TNS1: variants seen among roughly 807,000 people sequenced by gnomAD.
The protein encoded by TNS1 is tensin-1.
Under a neutral mutation model 168.6 loss-of-function variants are expected in TNS1, and 62 were observed. That is an observed-to-expected ratio of 0.37 (90% CI 0.30 to 0.45). TNS1 has a LOEUF of 0.45. Ranked by LOEUF, TNS1 falls within the 20% of genes least tolerant of loss-of-function variation. The pLI, the probability that TNS1 is intolerant of heterozygous loss-of-function variation, is 1.00. For missense variants in TNS1, 2,240 were observed against 2,339.4 expected (o/e 0.96, Z 0.88); for synonymous variants, 934 against 933.2 (o/e 1.00, Z -0.02).
At chr2:217,830,065 G>C in intron 22 of TNS1, 2 of 868,412 alleles carry the variant, frequency 2.3e-6, no homozygotes, top group Non-Finnish European at 2.8e-6. Context: ...GGGCCGATTT[G>C]CGCTGTCCAC....
upstream of TNS1, among the ~76,000 whole-genome samples, chr2:218,003,885 C>T (rs1350252350): frequency 6.6e-6 from 1 of 151,998 alleles, no homozygotes; most frequent in Non-Finnish European, 1.5e-5. Context: ...CCTCCCCTCC[C>T]CTCGCCCCCA....
In TNS1 at chr2:217,813,090, A is replaced by T; in HGVS notation, c.4954+125T>A. 1 of 686,590 alleles carries T rather than the reference A, an allele frequency of 1.5e-6. No individual in the cohort carries two copies. Among genetic ancestry groups the T allele is most frequent in the Non-Finnish European group, 2.6e-6 (1 of 388,872 alleles). 42.5% of individuals were successfully genotyped at this position (686,590 alleles called of 1,614,324 possible). Reference sequence around the variant, plus strand: ...AAGCTTTCATTCATTTTCTCTGCTGAATTTATGACAAGGGTGACTGGCAGA... The same window carrying T: ...AAGCTTTCATTCATTTTCTCTGCTGTATTTATGACAAGGGTGACTGGCAGA... On this transcript the variant is annotated intron_variant, in intron 27 of 32. Transcript: ENST00000682258. The surrounding 1 kb of genome is among the most constrained non-coding windows in gnomAD (Gnocchi z 4.0).
intron 25 of TNS1, chr2:217,814,058 G>A (rs773126100): frequency 3.1e-6 from 1 of 326,258 alleles, no homozygotes; most frequent in Non-Finnish European, 5.5e-6. Context: ...CTGGCATGCA[G>A]TGGCACAATC....
intron 2 of TNS1, among the ~76,000 whole-genome samples, chr2:217,980,229 A>G (rs980630831): frequency 6.6e-6 from 1 of 152,058 alleles, no homozygotes; most frequent in African/African-American, 2.4e-5. Context: ...CACCCAGCCT[A>G]GCTCAGGGAC....
At chr2:217,805,528 CA>C (rs1938576741) in intron 32 of TNS1, among the ~76,000 whole-genome samples, 2 of 45,974 alleles carry the variant, frequency 4.4e-5, no homozygotes, top group Non-Finnish European at 5.2e-5. Context: ...ACACACACCA[CA>C]CACACCACAC....
chr2:217,865,401 C>G (rs530346348), intron 18 of TNS1, among the ~76,000 whole-genome samples: 1 of 152,140 alleles, frequency 6.6e-6, no homozygotes, highest in African/African-American at 2.4e-5. Context: ...ACATGAGGAG[C>G]GCCCATCTGC....
intron 3 of TNS1, among the ~76,000 whole-genome samples, chr2:217,933,329 C>T (rs1410125905): frequency 6.6e-6 from 1 of 152,158 alleles, no homozygotes; most frequent in Non-Finnish European, 1.5e-5. Context: ...AAGCTGGCAT[C>T]AGCTAAAGAC....
At chr2:218,022,947 CA>C (rs1958821684) in intron 1 of TNS1, among the ~76,000 whole-genome samples, 1 of 152,122 alleles carries the variant, frequency 6.6e-6, no homozygotes, top group Non-Finnish European at 1.5e-5. Context: ...CACCCTGAGC[CA>C]GGGGGCAACA....
At position 217,801,247 on chromosome 2, in the gene TNS1, C is replaced by T. The variant is rs1937440176; in HGVS notation, c.*3212G>A. ...GGCTGATCAAACCGCTCACTTCCTC[C>T]CTGTTTTCCTTCGCAGGTCCCCTCT... On this transcript the variant is annotated 3_prime_UTR_variant, in exon 33 of 33. Coordinates refer to ENST00000682258, the MANE Select transcript of TNS1 (RefSeq NM_001387777.1). The T allele has an allele frequency of 6.6e-6, 1 of 152,292 alleles. No individual in the cohort carries two copies. The highest frequency in any genetic ancestry group is 1.5e-5 in the Non-Finnish European group (1 of 68,094). The allele number at this position is 152,292 out of a possible 1,614,324, so 9.4% of individuals were successfully genotyped here.
intron 4 of TNS1, among the ~76,000 whole-genome samples, chr2:217,914,703 C>T (rs1384366220): frequency 6.6e-6 from 1 of 152,150 alleles, no homozygotes; most frequent in Admixed American, 6.5e-5. Flanking sequence ...CCAGGATGGT[C>T]TCGATCTCTT....
At chr2:217,846,955 A>C (rs955241835) in intron 19 of TNS1, among the ~76,000 whole-genome samples, 1 of 152,032 alleles carries the variant, frequency 6.6e-6, no homozygotes, top group Non-Finnish European at 1.5e-5. Flanking sequence ...ACCCTCTCGG[A>C]CTCTTTCATG....
At chr2:217,834,621 C>T (rs1486849416) in intron 21 of TNS1, among the ~76,000 whole-genome samples, 2 of 152,108 alleles carry the variant, frequency 1.3e-5, no homozygotes, top group Non-Finnish European at 1.5e-5. Context: ...GCTGGGGGCT[C>T]TGTCAGCCTG....
At chr2:217,834,567 G>T (rs1402745866) in intron 21 of TNS1, among the ~76,000 whole-genome samples, 5 of 152,160 alleles carry the variant, frequency 3.3e-5, no homozygotes, top group African/African-American at 1.2e-4. Flanking sequence ...AGTGTATAGG[G>T]GCTGGGGGCT....
chr2:217,861,762 C>T (rs1216789256), intron 18 of TNS1, among the ~76,000 whole-genome samples: 1 of 152,238 alleles, frequency 6.6e-6, no homozygotes, highest in African/African-American at 2.4e-5. Flanking sequence ...AAGCTCTCAG[C>T]ACAGTGTACA....
At chr2:217,942,450 T>C (rs1174669417) in intron 3 of TNS1, among the ~76,000 whole-genome samples, 1 of 152,112 alleles carries the variant, frequency 6.6e-6, no homozygotes, top group Non-Finnish European at 1.5e-5. Flanking sequence ...CTCACTCCCT[T>C]CCACAACCCT....
chr2:217,858,176 A>AC (rs1440224706), intron 18 of TNS1, among the ~76,000 whole-genome samples: 3 of 151,744 alleles, frequency 2.0e-5, no homozygotes, highest in Non-Finnish European at 4.4e-5. Flanking sequence ...ACGAACCGTT[A>AC]CCCCCACAAG....
chr2:217,829,811 A>G (rs1176280119), intron 22 of TNS1: 1 of 1,613,374 alleles, frequency 6.2e-7, no homozygotes, highest in Non-Finnish European at 8.5e-7. Flanking sequence ...TTCCAGACCC[A>G]GAGAGCAGGA....
intron 1 of TNS1, among the ~76,000 whole-genome samples, chr2:218,023,852 T>C (rs1164611364): frequency 2.0e-5 from 3 of 152,040 alleles, no homozygotes; most frequent in Non-Finnish European, 4.4e-5. Context: ...TTACTCCCAA[T>C]GCCAGAATCC....
chr2:217,804,262 C>T lies in TNS1; in HGVS notation c.*197G>A, dbSNP rs1937968075. The T allele has an allele frequency of 1.9e-6, 1 of 528,410 alleles. No homozygotes were observed. The highest frequency in any genetic ancestry group is 3.2e-6 in the Non-Finnish European group (1 of 316,834). 32.7% of individuals were successfully genotyped at this position (528,410 alleles called of 1,614,324 possible). On this transcript the variant is annotated 3_prime_UTR_variant, in exon 33 of 33. Transcript: ENST00000682258. ...AAGTTCTTCTCCTCCATCTTTCTCT[C>T]TCTCTCTCTCTCTCTCTCTCTCTCT...
Sources: allele counts gnomAD v4.1 joint callset (sites outside exome capture counted in the v4.1 genomes callset), GRCh38; gene constraint gnomAD v4.1.1; non-coding constraint Gnocchi (gnomAD v3.1); transcripts MANE v1.5; gene names NCBI Gene and HGNC (gene_info 2026-07-23, HGNC 2026-07-21).